The following ZFR2 variants were observed in gnomAD, a reference collection of about 807,000 sequenced individuals.
ZFR2 encodes zinc finger RNA binding protein 2, also known as zinc finger RNA-binding protein 2.
ZFR2 carries 104 observed loss-of-function variants against 105.7 expected under a neutral mutation model. That is an observed-to-expected ratio of 0.98 (90% CI 0.84 to 1.16). The LOEUF (loss-of-function observed/expected upper bound fraction) is 1.16. ZFR2 is among the 50% of genes most tolerant of loss of function. The pLI, the probability that ZFR2 is intolerant of heterozygous loss-of-function variation, is 0.00. For missense variants in ZFR2, 1,425 were observed against 1,355.5 expected, an observed-to-expected ratio of 1.05 and a Z score of -0.80; for synonymous variants, 634 against 597.7, an observed-to-expected ratio of 1.06 and a Z score of -0.89.
chr19:3,827,633 T>C lies in ZFR2; in HGVS notation c.873A>G (p.Gly291=). Residue 291 remains glycine (G), a synonymous_variant, in exon 6 of 19, where the codon GGA becomes GGG. Transcript: ENST00000262961. Reference sequence around the variant, plus strand: ...CCTCCTTCTTTCTGTGCTTCTGCCCTCCCAGATGTTCCCGGTAGGTCTGCG... The same window carrying C: ...CCTCCTTCTTTCTGTGCTTCTGCCCCCCCAGATGTTCCCGGTAGGTCTGCG... The part of the protein sequence containing the change: ...AGPQTYREHL[G]GQKHRKKEAA... 2 of 1,581,684 alleles carry C rather than the reference T, an allele frequency of 1.3e-6. No homozygotes were observed.
At chr19:3,833,248 C>CAAAAAA (rs1206859994) in intron 3 of ZFR2, among the ~76,000 whole-genome samples, 1 of 75,248 alleles carries the variant, frequency 1.3e-5, no homozygotes, top group Admixed American at 1.2e-4. Flanking sequence ...GACTCCGTCT[C>CAAAAAA]AAAAAAAAAA....
chr19:3,840,742 G>A (rs1478574152), intron 1 of ZFR2, among the ~76,000 whole-genome samples: 2 of 151,944 alleles, frequency 1.3e-5, no homozygotes, highest in African/African-American at 4.8e-5. Flanking sequence ...ATGTTGCCCA[G>A]GATGACCTCC....
chr19:3,821,193 G>A (rs1195036592), intron 10 of ZFR2, 147 bp downstream of exon 10: 12 of 1,179,286 alleles, frequency 1.0e-5, no homozygotes, highest in Admixed American at 9.0e-5. Context: ...ACACCAGGAC[G>A]TGCCCACTGC....
Position 3,838,551 on chromosome 19 carries a change from A to G in ZFR2, c.54-3568T>C, listed in dbSNP as rs1354280535. 2.0e-5 allele frequency among the ~76,000 whole-genome samples: 3 copies of G among 152,156 alleles called. No individual in the cohort carries two copies. The highest frequency in any genetic ancestry group is 4.4e-5 in the Non-Finnish European group (3 of 68,016). On this transcript the variant is annotated intron_variant, in intron 1 of 18. Transcript: ENST00000262961. This position sits in a 1 kb window ranked among gnomAD's most constrained non-coding sequence, Gnocchi z 4.9. ...GCCAGCATTTCTTTGTCCTCCTGGC[A>G]GCCAGAGAGGGGTCTTTTCAAAGTA...
chr19:3,833,264 A>T (rs1418907693), intron 3 of ZFR2, among the ~76,000 whole-genome samples: 1 of 145,402 alleles, frequency 6.9e-6, no homozygotes. Flanking sequence ...AAAAAAAAAA[A>T]AAGAAAAGAA....
rs1382227063 is a variant in ZFR2 at position 3,822,159 on chromosome 19, C to T, written c.1413G>A (p.Lys471=). ...GGTCGTTGAAACTGCACTCGCACAGCTTGCAGTGGAAGCGAAGCACTCGCC... is the reference window on the plus strand; with the variant it reads ...GGTCGTTGAAACTGCACTCGCACAGTTTGCAGTGGAAGCGAAGCACTCGCC... ...DEGRVLRFHC[K]LCECSFNDLN... The change falls in exon 9 of 19, where the codon AAG becomes AAA. Residue 471 remains lysine (K), a synonymous_variant. Coordinates refer to ENST00000262961, the MANE Select transcript of ZFR2 (RefSeq NM_015174.2). The T allele has an allele frequency of 6.2e-7, 1 of 1,608,576 alleles. No homozygotes were observed. Among genetic ancestry groups the T allele is most frequent in the South Asian group, 1.1e-5 (1 of 89,802 alleles).
At chr19:3,828,522 A>AAGTGC (rs1364684336) in intron 5 of ZFR2, among the ~76,000 whole-genome samples, 18 of 152,210 alleles carry the variant, frequency 1.2e-4, no homozygotes, top group African/African-American at 3.9e-4. Flanking sequence ...TGCCCGAAGG[A>AAGTGC]TAGTCACGTA....
chr19:3,857,251 C>T (rs1280743189), intron 1 of ZFR2, among the ~76,000 whole-genome samples: 2 of 151,810 alleles, frequency 1.3e-5, no homozygotes, highest in African/African-American at 4.8e-5. Flanking sequence ...CCACGCCCAG[C>T]GGAATCTCCC....
At chr19:3,844,057 T>C (rs1599246229) in intron 1 of ZFR2, among the ~76,000 whole-genome samples, 1 of 139,072 alleles carries the variant, frequency 7.2e-6, no homozygotes, top group African/African-American at 2.6e-5. Flanking sequence ...GGGGAGTGAG[T>C]GTTTCACGGG....
chr19:3,821,307 C>G (rs570365050), intron 10 of ZFR2, 33 bp downstream of exon 10: 2 of 1,540,878 alleles, frequency 1.3e-6, no homozygotes, highest in Non-Finnish European at 1.7e-6. Flanking sequence ...CCTCCCTCAC[C>G]AGGCCCCCTT....
In ZFR2 at chr19:3,805,793, G is replaced by A; in HGVS notation, c.*156C>T. 3.4e-6 allele frequency: 3 copies of A among 892,574 alleles called. No individual in the cohort carries two copies. The highest frequency in any genetic ancestry group is 4.7e-6 in the Non-Finnish European group (3 of 633,262). The allele number at this position is 892,574 out of a possible 1,614,324, so 55.3% of individuals were successfully genotyped here. ...ATTAAAGGCATGAGCCACAGTGCCC[G>A]GTCTGAAGCACAGGTGTTTTAAAGG... On this transcript the variant is annotated 3_prime_UTR_variant, in exon 19 of 19. Transcript: ENST00000262961.
intron 1 of ZFR2, among the ~76,000 whole-genome samples, chr19:3,846,564 G>A (rs1329247503): frequency 6.6e-6 from 1 of 152,158 alleles, no homozygotes; most frequent in Non-Finnish European, 1.5e-5. Context: ...CCTCCCAAAT[G>A]TAAAGACTGA....
intron 1 of ZFR2, among the ~76,000 whole-genome samples, chr19:3,842,535 C>T (rs561410618): frequency 1.3e-5 from 2 of 152,070 alleles, no homozygotes; most frequent in East Asian, 3.9e-4. Flanking sequence ...AGAATTCAAC[C>T]ATTTAAAGTA....
Position 3,813,142 on chromosome 19 carries a change from C to CT in ZFR2, c.2242+677dup, listed in dbSNP as rs1302547949. Reference sequence around the variant, plus strand: ...AGAGAAACATCAGTAGGTCATGGCCCTCAGTTATGACCAAAAAAGATTACG... The same window carrying CT: ...AGAGAAACATCAGTAGGTCATGGCCCTTCAGTTATGACCAAAAAAGATTACG... On this transcript the variant is annotated intron_variant, in intron 14 of 18. Coordinates refer to ENST00000262961, the MANE Select transcript of ZFR2 (RefSeq NM_015174.2). The surrounding 1 kb of genome is among the most constrained non-coding windows in gnomAD (Gnocchi z 4.4). 1.3e-5 allele frequency among the ~76,000 whole-genome samples: 2 copies of CT among 152,148 alleles called. No individual in the cohort carries two copies. Among genetic ancestry groups the CT allele is most frequent in the Non-Finnish European group, 2.9e-5 (2 of 68,026 alleles).
At chr19:3,827,712 T>A in intron 5 of ZFR2, 59 bp from the exon 6 acceptor site, 1 of 1,536,414 alleles carries the variant, frequency 6.5e-7, no homozygotes, top group Non-Finnish European at 8.8e-7. Flanking sequence ...CACTGTCCCC[T>A]CCCCTGCAGG....
chr19:3,851,322 A>C (rs1359931110), intron 1 of ZFR2, among the ~76,000 whole-genome samples: 1 of 152,182 alleles, frequency 6.6e-6, no homozygotes, highest in Non-Finnish European at 1.5e-5. Flanking sequence ...CACCTAAAAC[A>C]GGGCCTGGGA....
At chr19:3,867,878 C>G (rs1193471080) in intron 1 of ZFR2, among the ~76,000 whole-genome samples, 1 of 151,006 alleles carries the variant, frequency 6.6e-6, no homozygotes, top group African/African-American at 2.4e-5. Flanking sequence ...CACCCCTACT[C>G]CACACCCCAC....
chr19:3,834,995 AAC>A lies in ZFR2; in HGVS notation c.54-14_54-13del. On this transcript the variant is annotated splice_polypyrimidine_tract_variant and intron_variant, in intron 1 of 18. Coordinates refer to ENST00000262961, the MANE Select transcript of ZFR2 (RefSeq NM_015174.2). This position sits in a 1 kb window ranked among gnomAD's most constrained non-coding sequence, Gnocchi z 5.3. ...TCGGAGGCTGGGCGCTAGAACCACA[AAC>A]ACACACCAAAGCCCCACCAGGTTAG... 1.2e-5 allele frequency: 19 copies of A among 1,603,880 alleles called. No homozygotes were observed. Among genetic ancestry groups the A allele is most frequent in the Non-Finnish European group, 1.6e-5 (19 of 1,176,822 alleles).
Position 3,830,267 on chromosome 19 carries a change from C to T in ZFR2, c.852+1036G>A, listed in dbSNP as rs1214613569. ...TGGACCTGGGCGACATAGTGAGACC[C>T]CATCTCTATTGAAAATTTAAAAAAT... On this transcript the variant is annotated intron_variant, in intron 5 of 18. Coordinates refer to ENST00000262961, the MANE Select transcript of ZFR2 (RefSeq NM_015174.2). Among the ~76,000 whole-genome samples the T allele has an allele frequency of 6.6e-5, 10 of 152,106 alleles. 1 individual carries two copies. The highest frequency in any genetic ancestry group is 9.6e-5 in the African/African-American group (4 of 41,488).
Sources: allele counts gnomAD v4.1 joint callset (sites outside exome capture counted in the v4.1 genomes callset), GRCh38; gene constraint gnomAD v4.1.1; non-coding constraint Gnocchi (gnomAD v3.1); transcripts MANE v1.5; gene names NCBI Gene and HGNC (gene_info 2026-07-23, HGNC 2026-07-21).